FER: variants seen among roughly 807,000 people sequenced by gnomAD.
FER encodes FER tyrosine kinase.
Under a neutral mutation model 111.0 loss-of-function variants are expected in FER, and 63 were observed. That is an observed-to-expected ratio of 0.57 (90% CI 0.46 to 0.70). The LOEUF (loss-of-function observed/expected upper bound fraction) is 0.70. Among genes scored for constraint, FER ranks in the 30% least tolerant of loss-of-function variants. FER has a pLI of 0.00. For synonymous variants in FER, 327 were observed against 313.9 expected, an observed-to-expected ratio of 1.04 and a Z score of -0.44; for missense variants, 914 against 954.0, an observed-to-expected ratio of 0.96 and a Z score of 0.55.
At chr5:109,001,290 C>T (rs1000081037) in intron 13 of FER, among the ~76,000 whole-genome samples, 1 of 152,210 alleles carries the variant, frequency 6.6e-6, no homozygotes, top group Non-Finnish European at 1.5e-5. Context: ...CCACCATGAT[C>T]AAGTGGGCTT....
intron 9 of FER, among the ~76,000 whole-genome samples, chr5:108,885,064 A>C (rs1581047070): frequency 6.6e-6 from 1 of 152,084 alleles, no homozygotes; most frequent in Non-Finnish European, 1.5e-5. Context: ...TAGGGAAGGC[A>C]CGGCCCTAGG....
chr5:108,924,580 G>T, intron 10 of FER: 2 of 1,228,186 alleles, frequency 1.6e-6, no homozygotes, highest in Non-Finnish European at 2.0e-6. Flanking sequence ...CTTCTATCTT[G>T]CTTTTGCCTC....
At chr5:109,150,688 G>A (rs1483186159) in intron 17 of FER, among the ~76,000 whole-genome samples, 1 of 152,010 alleles carries the variant, frequency 6.6e-6, no homozygotes, top group Non-Finnish European at 1.5e-5. Flanking sequence ...TATCTTTAAC[G>A]TTATAGTTGT....
chr5:108,897,766 A>G lies in FER; in HGVS notation c.1154A>G (p.Glu385Gly). The change falls in exon 10 of 20, where the codon GAG becomes GGG. Residue 385 changes from glutamate (E) to glycine (G), a missense_variant. By Grantham distance (98) the Glu-to-Gly change is moderately conservative. This residue lies in a region of FER where 774 missense variants were observed against 782.6 expected (regional missense o/e 0.99). Coordinates refer to ENST00000281092, the MANE Select transcript of FER (RefSeq NM_005246.4). ...TTTTCAGCACAGAAGGAATTACTAGAGCAAAAAGTGCAAGAAAATGATGGG... is the reference window on the plus strand; with the variant it reads ...TTTTCAGCACAGAAGGAATTACTAGGGCAAAAAGTGCAAGAAAATGATGGG... Reference protein sequence around the residue: ...AKFSAQKELLEQKVQENDGKE... With the variant: ...AKFSAQKELLGQKVQENDGKE... 6.2e-7 allele frequency: 1 copy of G among 1,613,796 alleles called. No individual in the cohort carries two copies. The highest frequency in any genetic ancestry group is 8.5e-7 in the Non-Finnish European group (1 of 1,179,820).
intron 3 of FER, among the ~76,000 whole-genome samples, chr5:108,802,711 T>G (rs1756804223): frequency 1.3e-5 from 2 of 152,144 alleles, no homozygotes; most frequent in African/African-American, 4.8e-5. Flanking sequence ...TATGACCATA[T>G]AGTATTCTGT....
intron 10 of FER, among the ~76,000 whole-genome samples, chr5:108,941,452 A>G (rs986292556): frequency 1.3e-4 from 20 of 152,194 alleles, no homozygotes; most frequent in African/African-American, 4.3e-4. Flanking sequence ...TCTTGGAATT[A>G]TGAGATATTC....
chr5:109,065,574 C>A (rs1774989360), intron 16 of FER, among the ~76,000 whole-genome samples: 1 of 152,156 alleles, frequency 6.6e-6, no homozygotes, highest in African/African-American at 2.4e-5. Context: ...GAAGGTAAAT[C>A]AGCTGAGCTT....
intron 17 of FER, among the ~76,000 whole-genome samples, chr5:109,116,226 G>A (rs1750212798): frequency 6.6e-6 from 1 of 152,048 alleles, no homozygotes; most frequent in Non-Finnish European, 1.5e-5. Context: ...TATACTGGGA[G>A]ATGGAAACCT....
chr5:108,935,954 A>G (rs7734904), intron 10 of FER, among the ~76,000 whole-genome samples: 19,307 of 152,080 alleles, frequency 0.13, 1,284 homozygotes, highest in Middle Eastern at 0.17. Flanking sequence ...TACTTTTTGA[A>G]TGGTTTGGGA....
chr5:108,781,746 G>C (rs1161135393), intron 2 of FER, among the ~76,000 whole-genome samples: 1 of 152,046 alleles, frequency 6.6e-6, no homozygotes, highest in Non-Finnish European at 1.5e-5. Context: ...GGCTAGTATG[G>C]GCTGCAATTG....
chr5:109,187,388 C>A (rs1758999312), intron 19 of FER, 45 bp from the exon 20 acceptor site: 1 of 1,598,380 alleles, frequency 6.3e-7, no homozygotes, highest in African/African-American at 1.3e-5. Flanking sequence ...CATTTTGTGT[C>A]TTACCTCCAT....
intron 17 of FER, among the ~76,000 whole-genome samples, chr5:109,141,115 G>T (rs987089755): frequency 9.2e-5 from 14 of 152,092 alleles, no homozygotes; most frequent in African/African-American, 2.9e-4. Flanking sequence ...CGTACAGGTG[G>T]CCCCTCTTAC....
At chr5:108,794,531 C>CT (rs954346274) in intron 2 of FER, among the ~76,000 whole-genome samples, 1 of 130,108 alleles carries the variant, frequency 7.7e-6, no homozygotes, top group Non-Finnish European at 1.7e-5. Flanking sequence ...TCCGCACCCC[C>CT]CCCCCTCCCC....
chr5:109,084,170 G>A (rs923006677), intron 16 of FER, among the ~76,000 whole-genome samples: 5 of 151,778 alleles, frequency 3.3e-5, no homozygotes, highest in African/African-American at 1.2e-4. Flanking sequence ...AACCACCTTC[G>A]TCACCAGGGG....
intron 16 of FER, among the ~76,000 whole-genome samples, chr5:109,071,749 A>G (rs1775792765): frequency 6.6e-6 from 1 of 152,008 alleles, no homozygotes. Flanking sequence ...GTGCAAAATA[A>G]TTTTAGAAAA....
intron 13 of FER, among the ~76,000 whole-genome samples, chr5:109,005,504 A>G (rs1312527805): frequency 1.3e-5 from 2 of 152,172 alleles, no homozygotes; most frequent in African/African-American, 2.4e-5. Context: ...TGTGTCATCT[A>G]TTTGTGGAAG....
At chr5:108,888,822 T>C (rs1298346185) in intron 9 of FER, among the ~76,000 whole-genome samples, 2 of 151,688 alleles carry the variant, frequency 1.3e-5, no homozygotes, top group Non-Finnish European at 2.9e-5. Context: ...AAGAAATGAA[T>C]TTTTCTAATT....
intron 9 of FER, among the ~76,000 whole-genome samples, chr5:108,891,079 G>A (rs1402726189): frequency 1.3e-5 from 2 of 152,080 alleles, no homozygotes; most frequent in Non-Finnish European, 2.9e-5. Context: ...TAAAAGATGT[G>A]TAGTGATATC....
intron 16 of FER, among the ~76,000 whole-genome samples, chr5:109,094,391 G>T (rs72796562): frequency 6.6e-6 from 1 of 151,900 alleles, no homozygotes; most frequent in African/African-American, 2.4e-5. Context: ...TCTTTTTGAG[G>T]GCCAACATGA....
Sources: allele counts gnomAD v4.1 joint callset (sites outside exome capture counted in the v4.1 genomes callset), GRCh38; gene constraint gnomAD v4.1.1; regional missense constraint gnomAD v4.1.1; transcripts MANE v1.5; gene names NCBI Gene and HGNC (gene_info 2026-07-23, HGNC 2026-07-21).